Variants in ABCC4 observed in about 807,000 individuals in gnomAD.
ABCC4 encodes ATP binding cassette subfamily C member 4 (PEL blood group).
Under a neutral mutation model 168.5 loss-of-function variants are expected in ABCC4, and 102 were observed. The observed-to-expected ratio is 0.61, with a 90% CI of 0.52 to 0.71. The LOEUF (loss-of-function observed/expected upper bound fraction) is 0.71, where lower values mean the gene tolerates loss of function less well. Among genes scored for constraint, ABCC4 ranks in the 30% least tolerant of loss-of-function variants. The pLI is 0.00. For missense variants in ABCC4, 1,402 were observed against 1,605.8 expected (o/e 0.87, Z 2.17); for synonymous variants, 617 against 590.7 (o/e 1.04, Z -0.65).
intron 30 of ABCC4, among the ~76,000 whole-genome samples, chr13:95,027,973 T>C (rs951968981): frequency 2.6e-4 from 40 of 152,314 alleles, no homozygotes; most frequent in African/African-American, 7.2e-4. Flanking sequence ...ATCCCATATA[T>C]AGCAGACAAA....
chr13:95,056,277 T>C (rs1243810379), intron 26 of ABCC4, among the ~76,000 whole-genome samples: 4 of 152,178 alleles, frequency 2.6e-5, no homozygotes. Context: ...GCATTTCAAA[T>C]CCTGAAGACC....
At chr13:95,235,459 AGAG>A (rs1566554610) in intron 3 of ABCC4, among the ~76,000 whole-genome samples, 1 of 152,134 alleles carries the variant, frequency 6.6e-6, no homozygotes, top group Non-Finnish European at 1.5e-5. Flanking sequence ...AAATGGCCCA[AGAG>A]GAGTAAGGAA....
chr13:95,213,973 G>A (rs927867698), intron 4 of ABCC4, among the ~76,000 whole-genome samples: 1 of 152,064 alleles, frequency 6.6e-6, no homozygotes, highest in Non-Finnish European at 1.5e-5. Flanking sequence ...ACCCTGAAAT[G>A]ATCCAGATTT....
chr13:95,023,743 G>A (rs887314253), intron 30 of ABCC4, among the ~76,000 whole-genome samples: 1 of 152,248 alleles, frequency 6.6e-6, no homozygotes, highest in African/African-American at 2.4e-5. Flanking sequence ...CTCGAAGGAT[G>A]AAGACAAAGC....
chr13:95,061,610 G>T (rs1199905361), intron 26 of ABCC4, among the ~76,000 whole-genome samples: 2 of 146,090 alleles, frequency 1.4e-5, no homozygotes, highest in Admixed American at 6.8e-5. Flanking sequence ...GTGTGTGTGT[G>T]TGTGTGTGTG....
intron 8 of ABCC4, among the ~76,000 whole-genome samples, chr13:95,199,542 G>A (rs1594284411): frequency 6.6e-6 from 1 of 152,086 alleles, no homozygotes; most frequent in African/African-American, 2.4e-5. Context: ...AGGTGATTTT[G>A]CAGCCATAAG....
At chr13:95,251,395 CATTACTTG>C (rs1340486999) in intron 1 of ABCC4, among the ~76,000 whole-genome samples, 1 of 152,094 alleles carries the variant, frequency 6.6e-6, no homozygotes, top group African/African-American at 2.4e-5. Flanking sequence ...ATAATTATTT[CATTACTTG>C]ATACTCATTG....
intron 19 of ABCC4, among the ~76,000 whole-genome samples, chr13:95,153,095 AAC>A (rs2036742581): frequency 6.6e-6 from 1 of 152,198 alleles, no homozygotes; most frequent in Admixed American, 6.5e-5. Flanking sequence ...TTATTCCAGA[AAC>A]AGTGTTCTAT....
chr13:95,105,617 C>T (rs2034976173), intron 20 of ABCC4, among the ~76,000 whole-genome samples: 1 of 152,168 alleles, frequency 6.6e-6, no homozygotes, highest in African/African-American at 2.4e-5. Context: ...AAACCTCATA[C>T]AACAAAGCCA....
Position 95,076,223 on chromosome 13 carries a change from A to G in ABCC4, c.2687-672T>C, listed in dbSNP as rs560483569. Among the ~76,000 whole-genome samples the G allele has an allele frequency of 1.1e-3, 170 of 152,264 alleles. 2 individuals are homozygous for G. The South Asian group carries it at 0.014, about 12-fold the overall frequency. On this transcript the variant is annotated intron_variant, in intron 21 of 30. Transcript: ENST00000645237. ...CGTGCCCAAGGAACCTGCCCAGCCA[A>G]GATGTCTCTGAATGGTCTTAACATT...
chr13:95,086,990 T>C (rs141817842), intron 20 of ABCC4, among the ~76,000 whole-genome samples: 14 of 152,236 alleles, frequency 9.2e-5, no homozygotes, highest in African/African-American at 2.6e-4. Context: ...GTACAAATCA[T>C]CCAGATTGCT....
At chr13:95,230,264 C>T (rs2039583994) in intron 4 of ABCC4, among the ~76,000 whole-genome samples, 1 of 152,170 alleles carries the variant, frequency 6.6e-6, no homozygotes, top group Non-Finnish European at 1.5e-5. Context: ...CAACAGACCA[C>T]CCTTGGAGCC....
chr13:95,095,218 A>C (rs1263992875), intron 20 of ABCC4, among the ~76,000 whole-genome samples: 5 of 152,216 alleles, frequency 3.3e-5, no homozygotes, highest in Admixed American at 3.3e-4. Flanking sequence ...AGCACGATTC[A>C]CAATTGCAAA....
intron 8 of ABCC4, among the ~76,000 whole-genome samples, chr13:95,204,503 G>A (rs1157385812): frequency 4.6e-5 from 7 of 152,076 alleles, no homozygotes; most frequent in South Asian, 2.1e-4. Flanking sequence ...TTTTATACGC[G>A]TCTGGCATTT....
intron 19 of ABCC4, among the ~76,000 whole-genome samples, chr13:95,135,833 A>G (rs936750871): frequency 2.6e-5 from 4 of 152,058 alleles, no homozygotes; most frequent in African/African-American, 9.7e-5. Context: ...CATTAGGCAT[A>G]AAAACTACCT....
chr13:95,091,584 A>G (rs1233093886), intron 20 of ABCC4, among the ~76,000 whole-genome samples: 2 of 152,218 alleles, frequency 1.3e-5, no homozygotes, highest in Non-Finnish European at 2.9e-5. Context: ...TTTTTTTCAA[A>G]CAAACAAATG....
intron 9 of ABCC4, among the ~76,000 whole-genome samples, chr13:95,192,083 C>T (rs1209572482): frequency 1.3e-5 from 2 of 152,250 alleles, no homozygotes; most frequent in African/African-American, 4.8e-5. Flanking sequence ...AAATCCCTTC[C>T]CCATGGAGAG....
intron 30 of ABCC4, among the ~76,000 whole-genome samples, chr13:95,022,895 G>C (rs1027411657): frequency 6.6e-6 from 1 of 152,140 alleles, no homozygotes; most frequent in African/African-American, 2.4e-5. Flanking sequence ...AACACACAAT[G>C]TACTAAAATG....
chr13:95,222,979 C>T (rs1032399828), intron 4 of ABCC4, among the ~76,000 whole-genome samples: 5 of 152,078 alleles, frequency 3.3e-5, no homozygotes, highest in Non-Finnish European at 7.4e-5. Flanking sequence ...TCAAGTGCTA[C>T]CCAGGTTGAG....
Sources: allele counts gnomAD v4.1 joint callset (sites outside exome capture counted in the v4.1 genomes callset), GRCh38; gene constraint gnomAD v4.1.1; transcripts MANE v1.5; gene names NCBI Gene and HGNC (gene_info 2026-07-23, HGNC 2026-07-21).